The following PMFBP1 variants were observed in gnomAD, a reference collection of about 807,000 sequenced individuals.
PMFBP1 encodes polyamine-modulated factor 1-binding protein 1.
PMFBP1 carries 131 observed loss-of-function variants against 137.8 expected under a neutral mutation model. The observed-to-expected ratio is 0.95, with a 90% CI of 0.82 to 1.10. PMFBP1 has a LOEUF of 1.10. PMFBP1 is among the 50% of genes least tolerant of loss of function. PMFBP1 has a pLI of 0.00. For missense variants in PMFBP1, 1,199 were observed against 1,175.4 expected, an observed-to-expected ratio of 1.02 and a Z score of -0.29; for synonymous variants, 490 against 450.4, an observed-to-expected ratio of 1.09 and a Z score of -1.11.
At chr16:72,137,191 A>G (rs916883613) in intron 7 of PMFBP1, among the ~76,000 whole-genome samples, 2 of 152,212 alleles carry the variant, frequency 1.3e-5, no homozygotes, top group Non-Finnish European at 2.9e-5. Context: ...CCATCCCTGT[A>G]TCCCTTCCTC....
chr16:72,182,991 A>C, the PMFBP1 span, among the ~76,000 whole-genome samples: 1 of 151,992 alleles, frequency 6.6e-6, no homozygotes, highest in South Asian at 2.1e-4. Flanking sequence ...GGGTCCTCAG[A>C]TTCTGCCCTG....
chr16:72,187,210 G>A, the PMFBP1 span, among the ~76,000 whole-genome samples: 1 of 152,144 alleles, frequency 6.6e-6, no homozygotes, highest in Non-Finnish European at 1.5e-5. Context: ...GATAGTGGAT[G>A]CGATTTAAAA....
rs2042511247 is a variant in PMFBP1, at chr16:72,129,231, G to A, written c.1785C>T (p.His595=). 1.2e-6 allele frequency: 2 copies of A among 1,609,136 alleles called. No individual in the cohort carries two copies. The highest frequency in any genetic ancestry group is 1.7e-6 in the Non-Finnish European group (2 of 1,179,584). The change falls in exon 13 of 21, where the codon CAC becomes CAT. Residue 595 remains histidine (H), a splice_region_variant and synonymous_variant. Transcript: ENST00000237353. ...NDMLDRIKHQ[H]REQGSIKCKL... The stretch of plus-strand genomic sequence containing the variant: ...TGCATTTGATGGAGCCTTGCTCCCT[G>A]TGCTGAAAAAATAAAGACTGAGCTG...
chr16:72,241,417 A>G, the PMFBP1 span, among the ~76,000 whole-genome samples: 3 of 152,200 alleles, frequency 2.0e-5, no homozygotes, highest in Non-Finnish European at 2.9e-5. Flanking sequence ...CTACCCTACT[A>G]TTTAATATAA....
At chr16:72,129,353 T>C (rs1268616310) in intron 12 of PMFBP1, 120 bp from the exon 13 acceptor site, 3 of 1,141,160 alleles carry the variant, frequency 2.6e-6, no homozygotes, top group African/African-American at 1.6e-5. Flanking sequence ...TCCTTAGTTA[T>C]ATAGCATATG....
chr16:72,170,450 T>G (rs1016980839), intron 2 of PMFBP1, among the ~76,000 whole-genome samples: 1 of 152,110 alleles, frequency 6.6e-6, no homozygotes, highest in African/African-American at 2.4e-5. Context: ...TTGTTGTTGT[T>G]TGAGACAGGG....
intron 3 of PMFBP1, among the ~76,000 whole-genome samples, chr16:72,162,365 GTTTTC>G (rs1567640545): frequency 6.6e-6 from 1 of 152,126 alleles, no homozygotes; most frequent in Non-Finnish European, 1.5e-5. Flanking sequence ...AGGTCATGCC[GTTTTC>G]TTTTCTATCA....
intron 3 of PMFBP1, among the ~76,000 whole-genome samples, chr16:72,159,243 T>G (rs1278391183): frequency 6.6e-6 from 1 of 152,224 alleles, no homozygotes; most frequent in Non-Finnish European, 1.5e-5. Context: ...TACCCCCATC[T>G]ATACTTAGGT....
the PMFBP1 span, among the ~76,000 whole-genome samples, chr16:72,243,215 C>T: frequency 6.6e-6 from 1 of 152,290 alleles, no homozygotes; most frequent in African/African-American, 2.4e-5. Context: ...ACACAAATTC[C>T]ATAAACAATT....
chr16:72,158,333 T>C (rs2043012608), intron 3 of PMFBP1, among the ~76,000 whole-genome samples: 1 of 152,212 alleles, frequency 6.6e-6, no homozygotes. Flanking sequence ...AAATTTTGTA[T>C]TTACTCTGTG....
chr16:72,180,453 A>C (rs866937027), upstream of PMFBP1, among the ~76,000 whole-genome samples: 22 of 152,252 alleles, frequency 1.4e-4, no homozygotes, highest in African/African-American at 4.8e-4. Context: ...AGCCGTGTTG[A>C]GTTTCTCAGT....
chr16:72,217,722 G>A, the PMFBP1 span, among the ~76,000 whole-genome samples: 2 of 152,024 alleles, frequency 1.3e-5, no homozygotes, highest in East Asian at 1.9e-4. Context: ...GTGTGGTGGT[G>A]GGCACCTGTA....
chr16:72,243,140 C>G, the PMFBP1 span, among the ~76,000 whole-genome samples: 1 of 152,236 alleles, frequency 6.6e-6, no homozygotes, highest in Non-Finnish European at 1.5e-5. Context: ...GGGCCCAGAT[C>G]AAAGGCAGGC....
intron 2 of PMFBP1, 133 bp downstream of exon 2, chr16:72,171,064 G>A (rs563849715): frequency 5.8e-6 from 6 of 1,034,420 alleles, no homozygotes; most frequent in East Asian, 2.4e-5. Flanking sequence ...TCTTAAACAC[G>A]ATGCTCTGCT....
chr16:72,123,433 G>T, intron 18 of PMFBP1, 113 bp downstream of exon 18: 1 of 860,282 alleles, frequency 1.2e-6, no homozygotes, highest in Non-Finnish European at 1.8e-6. Context: ...GGCTGAGACT[G>T]GATCTGTTTT....
the PMFBP1 span, among the ~76,000 whole-genome samples, chr16:72,222,380 TG>T: frequency 3.9e-4 from 59 of 152,328 alleles, no homozygotes; most frequent in Non-Finnish European, 7.5e-4. Context: ...AAAGGCTTTT[TG>T]TTCTTCCCTC....
At chr16:72,161,344 C>T (rs918697457) in intron 3 of PMFBP1, among the ~76,000 whole-genome samples, 21 of 151,920 alleles carry the variant, frequency 1.4e-4, no homozygotes, top group African/African-American at 3.4e-4. Flanking sequence ...GTGATCCACC[C>T]GCCTCAGCCT....
chr16:72,159,769 A>G (rs1172436056), intron 3 of PMFBP1, among the ~76,000 whole-genome samples: 2 of 151,226 alleles, frequency 1.3e-5, no homozygotes, highest in Non-Finnish European at 2.9e-5. Context: ...TCACAAAGGC[A>G]CCAACTTATT....
At chr16:72,209,895 C>T in the PMFBP1 span, among the ~76,000 whole-genome samples, 1 of 152,224 alleles carries the variant, frequency 6.6e-6, no homozygotes, top group Non-Finnish European at 1.5e-5. Context: ...CCTGCTTCAG[C>T]CTCTCTGGGA....
Sources: gnomAD v4.1 joint callset for allele counts (sites outside exome capture counted in the v4.1 genomes callset) on GRCh38, gnomAD v4.1.1 for gene constraint, MANE v1.5 for transcripts, NCBI Gene and HGNC (gene_info 2026-07-23, HGNC 2026-07-21) for gene names.